Variants in ADCY1 observed in about 807,000 individuals in gnomAD.
The protein encoded by ADCY1 is adenylate cyclase type 1.
A neutral mutation model predicts 105.4 loss-of-function variants in ADCY1; 28 were observed. That is an observed-to-expected ratio of 0.27 (90% CI 0.20 to 0.36). The LOEUF (loss-of-function observed/expected upper bound fraction) is 0.36. Among genes scored for constraint, ADCY1 ranks in the 10% least tolerant of loss-of-function variants. The probability of loss-of-function intolerance (pLI) is 1.00; values close to 1 mark genes in which losing one functional copy is unlikely to be tolerated. For synonymous variants in ADCY1, 655 were observed against 623.8 expected (o/e 1.05, Z -0.75); for missense variants, 977 against 1,434.2 (o/e 0.68, Z 5.15).
chr7:45,634,021 G>A (rs1439109958), intron 4 of ADCY1, among the ~76,000 whole-genome samples: 1 of 152,146 alleles, frequency 6.6e-6, no homozygotes, highest in African/African-American at 2.4e-5. Flanking sequence ...CAACTGTGTG[G>A]GGGGTTGTCA....
chr7:45,691,991 G>A lies in ADCY1; in HGVS notation c.2454+5318G>A, dbSNP rs534261948. Among the ~76,000 whole-genome samples, 37 of 152,262 alleles carry A rather than the reference G, an allele frequency of 2.4e-4. 1 individual carries two copies. The South Asian group carries it at 2.5e-3, about 10-fold the overall frequency. On this transcript the variant is annotated intron_variant, in intron 14 of 19. Coordinates refer to ENST00000297323, the MANE Select transcript of ADCY1 (RefSeq NM_021116.4). ...CTGAAATGTTGTACGCTTGTTAGTC[G>A]TCATCTTGTCCTCTGTTACTGGCCA...
intron 1 of ADCY1, among the ~76,000 whole-genome samples, chr7:45,592,486 G>T (rs1716193316): frequency 6.6e-6 from 1 of 152,216 alleles, no homozygotes; most frequent in African/African-American, 2.4e-5. Context: ...GGTCCTGGGG[G>T]TTAGGGCTTT....
intron 14 of ADCY1, among the ~76,000 whole-genome samples, chr7:45,695,588 C>T (rs1445336211): frequency 6.6e-6 from 1 of 152,178 alleles, no homozygotes; most frequent in Non-Finnish European, 1.5e-5. Flanking sequence ...CCCTCCACAG[C>T]AGTCAAGATT....
At position 45,657,765 on chromosome 7, in the gene ADCY1, G is replaced by A. The variant is rs1363336078; in HGVS notation, c.1187G>A (p.Arg396His). ...GCCACCGAGGTGGATCTGAACATGC[G>A]TGTGGGTCTGCACACGGGCAGGGTC... ...AEATEVDLNMRVGLHTGRVLC... is the reference protein window; with the variant it reads ...AEATEVDLNMHVGLHTGRVLC... Residue 396 changes from arginine to histidine, a missense_variant, in exon 6 of 20, where the codon CGT (arginine) becomes CAT (histidine). By Grantham distance (29) the Arg-to-His change is conservative. Around this residue, in one of 7 missense-constraint regions of ADCY1, gnomAD observed 196 missense variants for 347.8 expected, o/e 0.56. Coordinates refer to ENST00000297323, the MANE Select transcript of ADCY1 (RefSeq NM_021116.4). 4 of 1,614,072 alleles carry A rather than the reference G, an allele frequency of 2.5e-6. No homozygotes were observed. The highest frequency in any genetic ancestry group is 1.1e-5 in the South Asian group (1 of 91,002).
intron 11 of ADCY1, among the ~76,000 whole-genome samples, chr7:45,681,669 G>A (rs926380397): frequency 6.6e-6 from 1 of 152,134 alleles, no homozygotes; most frequent in Non-Finnish European, 1.5e-5. Context: ...GCTCCTGTTC[G>A]CAGGCTCTGC....
chr7:45,580,629 C>T (rs746338322), intron 1 of ADCY1, among the ~76,000 whole-genome samples: 22 of 152,310 alleles, frequency 1.4e-4, no homozygotes, highest in Middle Eastern at 6.8e-3. Context: ...AGGCGGCTTC[C>T]CTGTGGACTG....
In ADCY1 at chr7:45,714,408, G is replaced by A. The variant is rs368886989; in HGVS notation, c.*413G>A. On this transcript the variant is annotated 3_prime_UTR_variant, in exon 20 of 20. Transcript: ENST00000297323. Reference sequence around the variant, plus strand: ...TGGCAGAGCAACTGAGGAGCTCTGCGAGAGTGTGCCCTCTGAGACAGCCCT... The same window carrying A: ...TGGCAGAGCAACTGAGGAGCTCTGCAAGAGTGTGCCCTCTGAGACAGCCCT... The A allele has an allele frequency of 9.0e-4, 167 of 186,088 alleles. 1 individual carries two copies. The highest frequency in any genetic ancestry group is 3.6e-3 in the African/African-American group (153 of 42,904). 11.5% of individuals were successfully genotyped at this position (186,088 alleles called of 1,614,324 possible). A position where few individuals can be genotyped will look rare whatever the true frequency, so the allele number is the denominator to read the frequency against.
intron 3 of ADCY1, among the ~76,000 whole-genome samples, chr7:45,610,719 AGGAGGGGATAGTGGAGGTGG>A (rs1562686859): frequency 2.3e-3 from 43 of 18,802 alleles, no homozygotes; most frequent in South Asian, 5.4e-3. Flanking sequence ...GGTGGAGGTG[AGGAGGGGATAGTGGAGGTGG>A]GGAGGTGATG....
intron 19 of ADCY1, among the ~76,000 whole-genome samples, chr7:45,712,043 T>TATATATTATATTAAATATATATTTA (rs1562736208): frequency 6.2e-5 from 8 of 128,806 alleles, no homozygotes; most frequent in Admixed American, 4.3e-4. Flanking sequence ...ATATATATTT[T>TATATATTATATTAAATATATATTTA]ATATAATATA....
chr7:45,704,509 T>C lies in ADCY1; in HGVS notation c.2719-9T>C. On this transcript the variant is annotated splice_polypyrimidine_tract_variant and intron_variant, in intron 16 of 19. Transcript: ENST00000297323. The stretch of plus-strand genomic sequence containing the variant: ...TGTCATGTTTAACAGTTTTATGTTT[T>C]AAACAAAGCTCATGGAAAAAGACTT... 1 of 1,613,132 alleles carries C rather than the reference T, an allele frequency of 6.2e-7. No individual in the cohort carries two copies. Among genetic ancestry groups the C allele is most frequent in the Non-Finnish European group, 8.5e-7 (1 of 1,179,334 alleles).
chr7:45,636,767 C>T (rs1214871225), intron 4 of ADCY1, among the ~76,000 whole-genome samples: 1 of 152,242 alleles, frequency 6.6e-6, no homozygotes, highest in Non-Finnish European at 1.5e-5. Context: ...TCTCGAACTT[C>T]TGACCTCAGG....
intron 14 of ADCY1, among the ~76,000 whole-genome samples, chr7:45,696,738 G>A (rs1271986095): frequency 1.3e-5 from 2 of 152,138 alleles, no homozygotes; most frequent in African/African-American, 4.8e-5. Flanking sequence ...TGAGGCCTAT[G>A]CTTCTCCCTA....
At chr7:45,674,702 TTG>T (rs1313822199) in intron 8 of ADCY1, among the ~76,000 whole-genome samples, 1 of 152,208 alleles carries the variant, frequency 6.6e-6, no homozygotes, top group African/African-American at 2.4e-5. Context: ...AGTTTTGGCT[TTG>T]TGTGATTGAA....
chr7:45,611,730 G>C (rs1584269576), intron 3 of ADCY1, among the ~76,000 whole-genome samples: 1 of 151,710 alleles, frequency 6.6e-6, no homozygotes, highest in African/African-American at 2.4e-5. Context: ...AGTATAGTGT[G>C]CTTAGAATGG....
chr7:45,688,034 G>C (rs977221957), intron 14 of ADCY1, among the ~76,000 whole-genome samples: 1 of 152,242 alleles, frequency 6.6e-6, no homozygotes, highest in Non-Finnish European at 1.5e-5. Context: ...TGCTGCTGGA[G>C]TTGGGAAGCC....
chr7:45,636,924 G>T (rs761536998), intron 4 of ADCY1, among the ~76,000 whole-genome samples: 1 of 152,168 alleles, frequency 6.6e-6, no homozygotes, highest in Non-Finnish European at 1.5e-5. Flanking sequence ...CTTTCAATTG[G>T]AGTGTTTGGA....
chr7:45,591,085 T>C lies in ADCY1; in HGVS notation c.640-1674T>C, dbSNP rs191090480. ...GCTCTGATGTTGTTTCCAGATTGCA[T>C]GTGACCGTTGGTCCTAGGTTTGTTT... On this transcript the variant is annotated intron_variant, in intron 1 of 19. Coordinates refer to ENST00000297323, the MANE Select transcript of ADCY1 (RefSeq NM_021116.4). The surrounding 1 kb of genome is among the most constrained non-coding windows in gnomAD (Gnocchi z 4.1). 7.7e-4 allele frequency among the ~76,000 whole-genome samples: 118 copies of C among 152,352 alleles called. 1 individual carries two copies. Among genetic ancestry groups the C allele is most frequent in the Middle Eastern group, 3.4e-3 (1 of 294 alleles).
In ADCY1 at chr7:45,647,518, T is replaced by G. The variant is rs551552587; in HGVS notation, c.1021-1152T>G. 6.6e-6 allele frequency among the ~76,000 whole-genome samples: 1 copy of G among 152,324 alleles called. No homozygotes were observed. The highest frequency in any genetic ancestry group is 1.9e-4 in the East Asian group (1 of 5,180). ...TGGCTGAAGGAGTTCTGTGGCCTTA[T>G]AAGACCATTTCAGGGGACTTGTGAG... is the stretch of plus-strand genomic sequence containing the variant. On this transcript the variant is annotated intron_variant, in intron 4 of 19. Coordinates refer to ENST00000297323, the MANE Select transcript of ADCY1 (RefSeq NM_021116.4). The surrounding 1 kb of genome is among the most constrained non-coding windows in gnomAD (Gnocchi z 4.6).
chr7:45,593,048 G>A (rs949670848), intron 2 of ADCY1, 140 bp downstream of exon 2: 9 of 1,255,516 alleles, frequency 7.2e-6, no homozygotes, highest in Non-Finnish European at 5.5e-6. Flanking sequence ...ATTTGAGGCT[G>A]TGGAGGAGAT....
Sources: allele counts gnomAD v4.1 joint callset (sites outside exome capture counted in the v4.1 genomes callset), GRCh38; gene constraint gnomAD v4.1.1; regional missense constraint gnomAD v4.1.1; non-coding constraint Gnocchi (gnomAD v3.1); transcripts MANE v1.5; gene names NCBI Gene and HGNC (gene_info 2026-07-23, HGNC 2026-07-21).